The following NUP205 variants were observed in gnomAD, a reference collection of about 807,000 sequenced individuals.
NUP205 encodes nucleoporin 205.
A neutral mutation model predicts 253.8 loss-of-function variants in NUP205; 76 were observed. That is an observed-to-expected ratio of 0.30 (90% CI 0.25 to 0.36). NUP205 has a LOEUF of 0.36. Ranked by LOEUF, NUP205 falls within the 10% of genes least tolerant of loss-of-function variation. The probability of loss-of-function intolerance (pLI) is 1.00; values close to 1 mark genes in which losing one functional copy is unlikely to be tolerated. For missense variants in NUP205, 2,162 were observed against 2,425.5 expected, an observed-to-expected ratio of 0.89 and a Z score of 2.28; for synonymous variants, 832 against 850.1, an observed-to-expected ratio of 0.98 and a Z score of 0.37.
rs914039008 is a variant in NUP205, at chr7:135,597,963, T to G, written c.2065-35T>G. 3.8e-6 allele frequency: 6 copies of G among 1,559,450 alleles called. No individual in the cohort carries two copies. In the African/African-American group the frequency reaches 6.8e-5, roughly 18 times the overall value. On this transcript the variant is annotated intron_variant, in intron 14 of 42. Coordinates refer to ENST00000285968, the MANE Select transcript of NUP205 (RefSeq NM_015135.3). ...ACTCTTCACTTCATAGCTAATAGTT[T>G]TTATTACCAAGTTTTCTTTCTTTTT...
In NUP205 at chr7:135,609,479, GA is replaced by G. The variant is rs1021296189; in HGVS notation, c.3195+2119del. On this transcript the variant is annotated intron_variant, in intron 22 of 42. Coordinates refer to ENST00000285968, the MANE Select transcript of NUP205 (RefSeq NM_015135.3). Reference sequence around the variant, plus strand: ...GGCGACAGAGCGAAACTCTGTCCCAGAAAAAAAAAAATACAAAAATTATCCG... The same window carrying G: ...GGCGACAGAGCGAAACTCTGTCCCAGAAAAAAAAAATACAAAAATTATCCG... 1.7e-3 allele frequency among the ~76,000 whole-genome samples: 230 copies of G among 135,202 alleles called. 1 individual carries two copies. The highest frequency in any genetic ancestry group is 3.7e-3 in the Admixed American group (50 of 13,392). 88.7% of individuals were successfully genotyped at this position (135,202 alleles called of 152,430 possible).
At position 135,592,980 on chromosome 7, in the gene NUP205, T is replaced by C. The variant is rs772087167; in HGVS notation, c.1625-7T>C. On this transcript the variant is annotated splice_polypyrimidine_tract_variant and splice_region_variant and intron_variant, in intron 11 of 42. Coordinates refer to ENST00000285968, the MANE Select transcript of NUP205 (RefSeq NM_015135.3). ...TAAATAAAATTCTGTGCTGTTTTTC[T>C]TTATAGTTGAAAATATTCAGGGAGC... 6.9e-6 allele frequency: 11 copies of C among 1,598,222 alleles called. No homozygotes were observed. In the African/African-American group the frequency reaches 9.4e-5, roughly 14 times the overall value.
chr7:135,587,218 AT>A (rs1806489461), intron 8 of NUP205, among the ~76,000 whole-genome samples: 2 of 152,096 alleles, frequency 1.3e-5, no homozygotes, highest in African/African-American at 2.4e-5. Flanking sequence ...TGGTGTTGTT[AT>A]TGATAGTTGG....
At chr7:135,618,628 A>G (rs1454770601) in intron 28 of NUP205, 25 bp downstream of exon 28, 5 of 1,517,614 alleles carry the variant, frequency 3.3e-6, no homozygotes, top group African/African-American at 1.4e-5. Context: ...AAAATACTTT[A>G]TACTGCTGAA....
rs1055065686 is a variant in NUP205, at chr7:135,638,172, G to A, written c.5265+113G>A. On this transcript the variant is annotated intron_variant, in intron 37 of 42. Coordinates refer to ENST00000285968, the MANE Select transcript of NUP205 (RefSeq NM_015135.3). ...CGCCTATAATCCCAGCACTTTGGGA[G>A]GCCAAGGCGGATGGATCACCTGAGG... 2.7e-6 allele frequency: 3 copies of A among 1,121,710 alleles called. No homozygotes were observed. The East Asian group carries it at 7.6e-5, about 28-fold the overall frequency. The allele number at this position is 1,121,710 out of a possible 1,614,324, so 69.5% of individuals were successfully genotyped here. A position where few individuals can be genotyped will look rare whatever the true frequency, so the allele number is the denominator to read the frequency against.
chr7:135,591,654 G>C, intron 11 of NUP205, 54 bp downstream of exon 11: 1 of 1,489,618 alleles, frequency 6.7e-7, no homozygotes, highest in South Asian at 1.2e-5. Flanking sequence ...TTTAAGTTCA[G>C]TATCCCACTA....
At chr7:135,597,135 G>T in intron 13 of NUP205, 1 of 436,726 alleles carries the variant, frequency 2.3e-6, no homozygotes, top group Non-Finnish European at 4.1e-6. Context: ...AAAATGTCTT[G>T]TGTGCTCTTA....
chr7:135,590,293 T>TA (rs1806591481), intron 10 of NUP205, among the ~76,000 whole-genome samples: 2 of 144,312 alleles, frequency 1.4e-5, no homozygotes, highest in African/African-American at 2.6e-5. Context: ...TGTATTGTTT[T>TA]AGTTGAGACG....
At chr7:135,605,824 T>C (rs887625591) in intron 19 of NUP205, among the ~76,000 whole-genome samples, 20 of 151,086 alleles carry the variant, frequency 1.3e-4, no homozygotes, top group African/African-American at 4.4e-4. Flanking sequence ...GACTATATAA[T>C]GAAGAGGTCA....
At chr7:135,586,026 G>T (rs914314085) in intron 8 of NUP205, among the ~76,000 whole-genome samples, 2 of 152,190 alleles carry the variant, frequency 1.3e-5, no homozygotes, top group Middle Eastern at 6.8e-3. Flanking sequence ...TGCTCTGTGT[G>T]CTGTTTTGTG....
intron 36 of NUP205, 139 bp from the exon 37 acceptor site, chr7:135,637,792 G>A: frequency 1.6e-6 from 1 of 642,884 alleles, no homozygotes; most frequent in Non-Finnish European, 2.4e-6. Context: ...GCTACTTTTA[G>A]TTGGCTCAGT....
chr7:135,618,378 G>A (rs368169134), intron 27 of NUP205, 34 bp from the exon 28 acceptor site: 18 of 1,583,972 alleles, frequency 1.1e-5, no homozygotes, highest in Admixed American at 1.7e-5. Flanking sequence ...TTATTTGCCT[G>A]TTTAACCTTG....
At chr7:135,645,804 G>C in intron 41 of NUP205, 1 of 590,790 alleles carries the variant, frequency 1.7e-6, no homozygotes, top group Non-Finnish European at 3.0e-6. Flanking sequence ...TCTAGAGCCT[G>C]CTCATCAGCT....
chr7:135,635,439 A>G, intron 35 of NUP205, 142 bp from the exon 36 acceptor site: 1 of 473,698 alleles, frequency 2.1e-6, no homozygotes. Flanking sequence ...GTCTTTGTAA[A>G]ATCATAGTTC....
At chr7:135,580,362 G>T (rs966299016) in intron 7 of NUP205, among the ~76,000 whole-genome samples, 2 of 152,086 alleles carry the variant, frequency 1.3e-5, no homozygotes, top group Non-Finnish European at 2.9e-5. Flanking sequence ...TACAAATTCT[G>T]TTTCTCACCT....
At chr7:135,591,255 AT>A (rs1310426903) in intron 10 of NUP205, among the ~76,000 whole-genome samples, 194 bp from the exon 11 acceptor site, 1 of 152,182 alleles carries the variant, frequency 6.6e-6, no homozygotes, top group Non-Finnish European at 1.5e-5. Flanking sequence ...TCATAAAGGT[AT>A]TTTATAATTG....
chr7:135,579,437 G>T (rs145566591), intron 7 of NUP205, among the ~76,000 whole-genome samples: 1,754 of 152,010 alleles, frequency 0.012, 35 homozygotes, highest in African/African-American at 0.04. Context: ...CAGGTGATCC[G>T]ACTGCCTTGG....
chr7:135,645,774 T>G, intron 41 of NUP205, 178 bp downstream of exon 41: 1 of 630,408 alleles, frequency 1.6e-6, no homozygotes, highest in Non-Finnish European at 2.7e-6. Flanking sequence ...CACGGGACAT[T>G]GTGCTGAGCA....
intron 31 of NUP205, among the ~76,000 whole-genome samples, chr7:135,623,775 C>G (rs530493544): frequency 7.9e-5 from 12 of 152,060 alleles, no homozygotes; most frequent in Admixed American, 2.6e-4. Context: ...AGTTACGTTT[C>G]TTTGTTTGTT....
Sources: allele counts gnomAD v4.1 joint callset (sites outside exome capture counted in the v4.1 genomes callset), GRCh38; gene constraint gnomAD v4.1.1; transcripts MANE v1.5; gene names NCBI Gene and HGNC (gene_info 2026-07-23, HGNC 2026-07-21).